Variants in DPYS observed in about 807,000 individuals in gnomAD.
The protein encoded by DPYS is dihydropyrimidine amidohydrolase.
Under a neutral mutation model 50.3 loss-of-function variants are expected in DPYS, and 39 were observed. The observed-to-expected ratio is 0.78, with a 90% confidence interval of 0.60 to 1.01. The LOEUF is 1.01. DPYS is among the 50% of genes least tolerant of loss of function. The pLI, the probability that DPYS is intolerant of heterozygous loss-of-function variation, is 0.00. For synonymous variants in DPYS, 245 were observed against 250.7 expected (o/e 0.98, Z 0.22); for missense variants, 659 against 680.9 (o/e 0.97, Z 0.36).
At chr8:104,403,377 A>C (rs2140550991) in intron 7 of DPYS, among the ~76,000 whole-genome samples, 1 of 152,252 alleles carries the variant, frequency 6.6e-6, no homozygotes, top group Non-Finnish European at 1.5e-5. Context: ...ATTCCTTGGA[A>C]TCCGTGAGGC....
At chr8:104,431,381 T>A (rs1812950939) in intron 4 of DPYS, among the ~76,000 whole-genome samples, 1 of 151,602 alleles carries the variant, frequency 6.6e-6, no homozygotes, top group African/African-American at 2.4e-5. Context: ...GCCACTTTAG[T>A]GGTATATACA....
chr8:104,379,470 G>T lies in DPYS; in HGVS notation c.*388C>A. 1 of 172,142 alleles carries T rather than the reference G, an allele frequency of 5.8e-6. No individual in the cohort carries two copies. Among genetic ancestry groups the T allele is most frequent in the Non-Finnish European group, 1.2e-5 (1 of 80,486 alleles). 10.7% of individuals were successfully genotyped at this position (172,142 alleles called of 1,614,324 possible). The stretch of plus-strand genomic sequence containing the variant: ...CAATGTTTATTAATTACAATAAAAA[G>T]TAAAATCACAGAGCTATTTTAAAAC... On this transcript the variant is annotated 3_prime_UTR_variant, in exon 10 of 10. Transcript: ENST00000351513.
intron 8 of DPYS, among the ~76,000 whole-genome samples, chr8:104,383,184 C>T (rs377410435): frequency 6.6e-6 from 1 of 152,218 alleles, no homozygotes; most frequent in Non-Finnish European, 1.5e-5. Flanking sequence ...AGGCCAGGCA[C>T]ATCAGAATCC....
chr8:104,440,084 A>G (rs1813294070), intron 4 of DPYS, among the ~76,000 whole-genome samples: 1 of 152,218 alleles, frequency 6.6e-6, no homozygotes, highest in Non-Finnish European at 1.5e-5. Context: ...ACACATTGAT[A>G]AGATAAAAAT....
At chr8:104,462,747 G>T (rs1814215063) in intron 1 of DPYS, among the ~76,000 whole-genome samples, 1 of 152,070 alleles carries the variant, frequency 6.6e-6, no homozygotes, top group South Asian at 2.1e-4. Context: ...GCAAAGTCAC[G>T]ATTCTTTCAA....
At chr8:104,387,244 A>T (rs1811241158) in intron 8 of DPYS, among the ~76,000 whole-genome samples, 1 of 152,232 alleles carries the variant, frequency 6.6e-6, no homozygotes, top group South Asian at 2.1e-4. Flanking sequence ...AACAATGAAG[A>T]TTGGCATTTT....
chr8:104,393,868 C>A (rs958251328), intron 7 of DPYS, among the ~76,000 whole-genome samples: 1 of 152,076 alleles, frequency 6.6e-6, no homozygotes, highest in African/African-American at 2.4e-5. Flanking sequence ...TGAGTAAGTT[C>A]TTTAGTGGTG....
At chr8:104,427,419 C>T (rs1812768100) in intron 6 of DPYS, among the ~76,000 whole-genome samples, 1 of 151,272 alleles carries the variant, frequency 6.6e-6, no homozygotes, top group African/African-American at 2.4e-5. Flanking sequence ...GCTGGGATTA[C>T]AGCCACGTGC....
chr8:104,382,279 T>TG (rs566605523), intron 8 of DPYS, among the ~76,000 whole-genome samples: 2 of 151,478 alleles, frequency 1.3e-5, no homozygotes, highest in South Asian at 4.2e-4. Context: ...GCTCAGGAAA[T>TG]GGGGGGACTC....
At chr8:104,413,152 A>C (rs1812246639) in intron 7 of DPYS, among the ~76,000 whole-genome samples, 1 of 152,200 alleles carries the variant, frequency 6.6e-6, no homozygotes, top group African/African-American at 2.4e-5. Flanking sequence ...GTCCACCAGC[A>C]AAAGAATATA....
intron 4 of DPYS, among the ~76,000 whole-genome samples, chr8:104,439,220 T>C (rs183449683): frequency 6.6e-6 from 1 of 152,176 alleles, no homozygotes; most frequent in Admixed American, 6.5e-5. Context: ...CAAGTGATAC[T>C]GTCAAAAGTT....
rs748721025 is a variant in DPYS at position 104,392,926 on chromosome 8, T to C, written c.1301A>G (p.His434Arg). The C allele has an allele frequency of 6.2e-7, 1 of 1,614,232 alleles. No individual in the cohort carries two copies. The highest frequency in any genetic ancestry group is 8.5e-7 in the Non-Finnish European group (1 of 1,180,032). ...NFNIFEGMVC[H>R]GVPLVTISRG... is the part of the protein sequence containing the mutation. Reference sequence around the variant, plus strand: ...TGAAATAGTCACAAGGGGCACCCCGTGGCAAACCATGCCCTCGAAAATGTT... The same window carrying C: ...TGAAATAGTCACAAGGGGCACCCCGCGGCAAACCATGCCCTCGAAAATGTT... The change falls in exon 8 of 10, where the codon CAC (histidine) becomes CGC (arginine). Residue 434 changes from histidine to arginine, a missense_variant. Physicochemically the swap from His to Arg is conservative, Grantham distance 29. Transcript: ENST00000351513.
intron 4 of DPYS, among the ~76,000 whole-genome samples, chr8:104,443,901 C>A (rs1046685232): frequency 6.6e-6 from 1 of 152,090 alleles, no homozygotes; most frequent in African/African-American, 2.4e-5. Flanking sequence ...ACAAAACAAA[C>A]AAACAAAAAC....
chr8:104,384,567 T>A (rs541160072), intron 8 of DPYS, among the ~76,000 whole-genome samples: 1 of 152,234 alleles, frequency 6.6e-6, no homozygotes, highest in Non-Finnish European at 1.5e-5. Context: ...CTAATGATGA[T>A]GGCAAACCTC....
chr8:104,389,070 G>T (rs933602644), intron 8 of DPYS, among the ~76,000 whole-genome samples: 4 of 152,200 alleles, frequency 2.6e-5, no homozygotes, highest in African/African-American at 9.6e-5. Context: ...ATAAGATGCT[G>T]CTCTGAAGGA....
At chr8:104,382,230 CCA>C (rs1369884767) in intron 8 of DPYS, among the ~76,000 whole-genome samples, 1 of 152,178 alleles carries the variant, frequency 6.6e-6, no homozygotes, top group African/African-American at 2.4e-5. Flanking sequence ...GCTCCTGCAG[CCA>C]CAGAACTTGA....
At chr8:104,465,446 G>A (rs941608707) in intron 1 of DPYS, among the ~76,000 whole-genome samples, 2 of 152,204 alleles carry the variant, frequency 1.3e-5, no homozygotes, top group Non-Finnish European at 2.9e-5. Context: ...CACTTTGGAA[G>A]GAGCCATTTC....
chr8:104,428,240 T>C (rs1187096824), intron 5 of DPYS, 119 bp from the exon 6 acceptor site: 3 of 1,336,882 alleles, frequency 2.2e-6, no homozygotes, highest in East Asian at 4.7e-5. Flanking sequence ...AAAAATCCAA[T>C]GGAGAATGAG....
chr8:104,387,614 A>G (rs1362244224), intron 8 of DPYS, among the ~76,000 whole-genome samples: 1 of 152,208 alleles, frequency 6.6e-6, no homozygotes, highest in Non-Finnish European at 1.5e-5. Context: ...GAGTCCCAAC[A>G]CTGCCACTTG....
Sources: allele counts gnomAD v4.1 joint callset (sites outside exome capture counted in the v4.1 genomes callset), GRCh38; gene constraint gnomAD v4.1.1; transcripts MANE v1.5; gene names NCBI Gene and HGNC (gene_info 2026-07-23, HGNC 2026-07-21).